The following NPRL2 variants were observed in gnomAD, a reference collection of about 807,000 sequenced individuals.
The protein encoded by NPRL2 is NPR2 like, GATOR1 complex subunit, also known as GATOR1 complex protein NPRL2.
NPRL2 carries 21 observed loss-of-function variants against 51.1 expected under a neutral mutation model. That is an observed-to-expected ratio of 0.41 (90% CI 0.29 to 0.59). The LOEUF (loss-of-function observed/expected upper bound fraction) is 0.59. Among genes scored for constraint, NPRL2 ranks in the 20% least tolerant of loss-of-function variants. The pLI is 0.29. For missense variants in NPRL2, 376 were observed against 483.4 expected, an observed-to-expected ratio of 0.78 and a Z score of 2.08; for synonymous variants, 175 against 187.8, an observed-to-expected ratio of 0.93 and a Z score of 0.56.
In NPRL2 at chr3:50,350,224, C is replaced by G; in HGVS notation, c.79-202G>C. On this transcript the variant is annotated intron_variant, in intron 1 of 10. Transcript: ENST00000232501. This position sits in a 1 kb window ranked among gnomAD's most constrained non-coding sequence, Gnocchi z 5.7. The stretch of plus-strand genomic sequence containing the variant: ...CTTCCTGGCTTCTGCATATGCTGTT[C>G]CCTCTACCTGGAACACTTTCTCCTG... 2.3e-5 allele frequency: 14 copies of G among 601,084 alleles called. No individual in the cohort carries two copies. The South Asian group carries it at 2.8e-4, about 12-fold the overall frequency. 37.2% of individuals were successfully genotyped at this position (601,084 alleles called of 1,614,324 possible).
rs1489334424 is a variant in NPRL2 at position 50,349,610 on chromosome 3, G to C, written c.339+55C>G. The C allele has an allele frequency of 2.5e-6, 4 of 1,604,262 alleles. No individual in the cohort carries two copies. In the East Asian group the frequency reaches 8.9e-5, roughly 36 times the overall value. ...GGTTTGGGGGACTTTGGAGACATGG[G>C]AACACCTTCCCCAACTCTGCCTGTC... On this transcript the variant is annotated intron_variant, in intron 3 of 10. Coordinates refer to ENST00000232501, the MANE Select transcript of NPRL2 (RefSeq NM_006545.5). This position sits in a 1 kb window ranked among gnomAD's most constrained non-coding sequence, Gnocchi z 4.6.
chr3:50,349,782 C>A lies in NPRL2; in HGVS notation c.222G>T (p.Lys74Asn). 6.2e-7 allele frequency: 1 copy of A among 1,613,946 alleles called. No individual in the cohort carries two copies. The highest frequency in any genetic ancestry group is 8.5e-7 in the Non-Finnish European group (1 of 1,179,992). Residue 74 changes from lysine to asparagine, a missense_variant, in exon 3 of 11, where the codon AAG becomes AAT. Coordinates refer to ENST00000232501, the MANE Select transcript of NPRL2 (RefSeq NM_006545.5). This position sits in a 1 kb window ranked among gnomAD's most constrained non-coding sequence, Gnocchi z 4.6. ...AGAGGAGAGCATTGCGGCTGTACTT[C>A]TTGTGTTCGATGCACACAGGACAGC... The part of the protein sequence containing the change: ...LIGCPVCIEH[K>N]KYSRNALLFN...
At position 50,348,935 on chromosome 3, in the gene NPRL2, G is replaced by A; in HGVS notation, c.524C>T (p.Pro175Leu). 2 of 1,614,040 alleles carry A rather than the reference G, an allele frequency of 1.2e-6. No individual in the cohort carries two copies. Among genetic ancestry groups the A allele is most frequent in the Non-Finnish European group, 1.7e-6 (2 of 1,180,004 alleles). The change falls in exon 5 of 11, where the codon CCT becomes CTT. Residue 175 changes from proline to leucine, a missense_variant. Coordinates refer to ENST00000232501, the MANE Select transcript of NPRL2 (RefSeq NM_006545.5). The surrounding 1 kb of genome is among the most constrained non-coding windows in gnomAD (Gnocchi z 5.8). ...ATCCTCCTTGTCTTTGGTAAAGACA[G>A]GTACATCATACTCCTGGGCCACCGG... ...DPPVAQEYDV[P>L]VFTKDKEDFF...
In NPRL2 at chr3:50,347,664, T is replaced by C; in HGVS notation, c.1085A>G (p.Tyr362Cys). 1.9e-6 allele frequency: 3 copies of C among 1,614,062 alleles called. No individual in the cohort carries two copies. Among genetic ancestry groups the C allele is most frequent in the Non-Finnish European group, 2.5e-6 (3 of 1,180,020 alleles). Reference sequence around the variant, plus strand: ...TTCAAGCCGCTCATCCAGCTCATGGTAGCTCATGCCTGGGTGGGGTGGTGG... The same window carrying C: ...TTCAAGCCGCTCATCCAGCTCATGGCAGCTCATGCCTGGGTGGGGTGGTGG... ...DEICCKTGMSYHELDERLEND... is the reference protein window; with the variant it reads ...DEICCKTGMSCHELDERLEND... Residue 362 changes from tyrosine (Y) to cysteine (C), a missense_variant, in exon 11 of 11, where the codon TAC becomes TGC. By Grantham distance (194) the Tyr-to-Cys change is radical (BLOSUM62 -2). Transcript: ENST00000232501.
chr3:50,349,470 C>T lies in NPRL2; in HGVS notation c.364G>A (p.Glu122Lys). 3 of 1,613,830 alleles carry T rather than the reference C, an allele frequency of 1.9e-6. No individual in the cohort carries two copies. Among genetic ancestry groups the T allele is most frequent in the Non-Finnish European group, 2.5e-6 (3 of 1,179,996 alleles). Residue 122 changes from glutamate (E) to lysine (K), a missense_variant, in exon 4 of 11, where the codon GAG becomes AAG. Coordinates refer to ENST00000232501, the MANE Select transcript of NPRL2 (RefSeq NM_006545.5). The surrounding 1 kb of genome is among the most constrained non-coding windows in gnomAD (Gnocchi z 4.6). The part of the protein sequence containing the change: ...LELESSFVSM[E>K]ESKQKLVPIM... The stretch of plus-strand genomic sequence containing the variant: ...GGCACCAACTTCTGCTTGCTCTCCT[C>T]CATGGACACGAAGCTGCTCTCTAGC...
chr3:50,348,452 T>C lies in NPRL2; in HGVS notation c.721-42A>G. 1 of 1,613,170 alleles carries C rather than the reference T, an allele frequency of 6.2e-7. No individual in the cohort carries two copies. Among genetic ancestry groups the C allele is most frequent in the Non-Finnish European group, 8.5e-7 (1 of 1,179,316 alleles). On this transcript the variant is annotated intron_variant, in intron 7 of 10. Transcript: ENST00000232501. This position sits in a 1 kb window ranked among gnomAD's most constrained non-coding sequence, Gnocchi z 5.8. ...GGCATAGGGGCCTGAGTGAGGGGCT[T>C]GGGAAGCTGACACAGCCCTGGTCTG...
chr3:50,347,477 A>T lies in NPRL2; in HGVS notation c.*129T>A. The T allele has an allele frequency of 8.5e-7, 1 of 1,181,924 alleles. No individual in the cohort carries two copies. Among genetic ancestry groups the T allele is most frequent in the Non-Finnish European group, 1.2e-6 (1 of 818,038 alleles). The allele number at this position is 1,181,924 out of a possible 1,614,324, so 73.2% of individuals were successfully genotyped here. Reference sequence around the variant, plus strand: ...CTCCCACGGCTGGCCCAGAAACAGCACTCAATAAAGGCTGTTTGAAATGGA... The same window carrying T: ...CTCCCACGGCTGGCCCAGAAACAGCTCTCAATAAAGGCTGTTTGAAATGGA... On this transcript the variant is annotated 3_prime_UTR_variant, in exon 11 of 11. Coordinates refer to ENST00000232501, the MANE Select transcript of NPRL2 (RefSeq NM_006545.5).
Position 50,348,277 on chromosome 3 carries a change from T to G in NPRL2, c.815-36A>C, listed in dbSNP as rs1427902235. On this transcript the variant is annotated intron_variant, in intron 8 of 10. Coordinates refer to ENST00000232501, the MANE Select transcript of NPRL2 (RefSeq NM_006545.5). The surrounding 1 kb of genome is among the most constrained non-coding windows in gnomAD (Gnocchi z 5.8). Reference sequence around the variant, plus strand: ...CAGGGATCAGCTCATCATGTGGCCCTGCCCTCCCCAAGATGGCTTCCCCCA... The same window carrying G: ...CAGGGATCAGCTCATCATGTGGCCCGGCCCTCCCCAAGATGGCTTCCCCCA... 7 of 1,613,668 alleles carry G rather than the reference T, an allele frequency of 4.3e-6. No homozygotes were observed. The highest frequency in any genetic ancestry group is 5.1e-6 in the Non-Finnish European group (6 of 1,179,746).
In NPRL2 at chr3:50,349,129, C is replaced by T; in HGVS notation, c.449-119G>A. The T allele has an allele frequency of 3.2e-6, 4 of 1,264,812 alleles. No individual in the cohort carries two copies. Among genetic ancestry groups the T allele is most frequent in the Non-Finnish European group, 4.4e-6 (4 of 917,812 alleles). 78.3% of individuals were successfully genotyped at this position (1,264,812 alleles called of 1,614,324 possible). On this transcript the variant is annotated intron_variant, in intron 4 of 10. Transcript: ENST00000232501. This position sits in a 1 kb window ranked among gnomAD's most constrained non-coding sequence, Gnocchi z 4.6. Reference sequence around the variant, plus strand: ...GTGCCTCTGGGTAGGGCTAATCTTTCTCTTTTTATGGAGTGAGAAACGGAG... The same window carrying T: ...GTGCCTCTGGGTAGGGCTAATCTTTTTCTTTTTATGGAGTGAGAAACGGAG...
chr3:50,349,987 G>A lies in NPRL2; in HGVS notation c.114C>T (p.Asp38=), dbSNP rs587610136. 1.2e-6 allele frequency: 2 copies of A among 1,613,950 alleles called. No homozygotes were observed. Among genetic ancestry groups the A allele is most frequent in the South Asian group, 2.2e-5 (2 of 91,076 alleles). The part of the protein sequence containing the change: ...PEDFISRELF[D]TVQVYIITKP... The stretch of plus-strand genomic sequence containing the variant: ...TGGTGATGATGTACACTTGGACTGT[G>A]TCAAACAGCTCTCGGGAGATGAAGT... The change falls in exon 2 of 11, where the codon GAC becomes GAT. Residue 38 remains aspartate, a synonymous_variant. Transcript: ENST00000232501. The surrounding 1 kb of genome is among the most constrained non-coding windows in gnomAD (Gnocchi z 4.6).
Position 50,349,272 on chromosome 3 carries a change from G to A in NPRL2, c.448+114C>T. On this transcript the variant is annotated intron_variant, in intron 4 of 10. Transcript: ENST00000232501. This position sits in a 1 kb window ranked among gnomAD's most constrained non-coding sequence, Gnocchi z 4.6. Reference sequence around the variant, plus strand: ...CTGGACATGGGCACCTCAGCCCATGGCTATTTCCTGCCCACCAATGTGTTC... The same window carrying A: ...CTGGACATGGGCACCTCAGCCCATGACTATTTCCTGCCCACCAATGTGTTC... 1 of 998,942 alleles carries A rather than the reference G, an allele frequency of 1.0e-6. No homozygotes were observed. Among genetic ancestry groups the A allele is most frequent in the South Asian group, 1.4e-5 (1 of 70,224 alleles). 61.9% of individuals were successfully genotyped at this position (998,942 alleles called of 1,614,324 possible).
At position 50,349,656 on chromosome 3, in the gene NPRL2, A is replaced by G. The variant is rs372216543; in HGVS notation, c.339+9T>C. ...CTGTCGGTAAACCCAAGCCCATCTC[A>G]TTGCAGACCTCTAGTGTGGTCAGAT... On this transcript the variant is annotated intron_variant, in intron 3 of 10. Transcript: ENST00000232501. This position sits in a 1 kb window ranked among gnomAD's most constrained non-coding sequence, Gnocchi z 4.6. 3.1e-6 allele frequency: 5 copies of G among 1,605,648 alleles called. No homozygotes were observed. Among genetic ancestry groups the G allele is most frequent in the Non-Finnish European group, 3.4e-6 (4 of 1,173,690 alleles).
Position 50,348,873 on chromosome 3 carries a change from C to G in NPRL2, c.585+1G>C. ...ATGATACCCAGGGAGGGATGGCATA[C>G]TTGTTGTGTAGTGAGGTCCCACTGT... On this transcript the variant is annotated splice_donor_variant, in intron 5 of 10. Transcript: ENST00000232501. LOFTEE classifies it high-confidence loss of function. This position sits in a 1 kb window ranked among gnomAD's most constrained non-coding sequence, Gnocchi z 5.8. The G allele has an allele frequency of 6.2e-7, 1 of 1,613,972 alleles. No individual in the cohort carries two copies. The highest frequency in any genetic ancestry group is 8.5e-7 in the Non-Finnish European group (1 of 1,179,988).
chr3:50,349,215 C>A lies in NPRL2; in HGVS notation c.448+171G>T. 1 of 829,446 alleles carries A rather than the reference C, an allele frequency of 1.2e-6. No individual in the cohort carries two copies. The highest frequency in any genetic ancestry group is 1.9e-6 in the Non-Finnish European group (1 of 529,920). The allele number at this position is 829,446 out of a possible 1,614,324, so 51.4% of individuals were successfully genotyped here. ...GCTGGAGAGCTCTGCTTTCCCCCTACCCCCAGTCCCAGCTCCATCATGCAT... is the reference window on the plus strand; with the variant it reads ...GCTGGAGAGCTCTGCTTTCCCCCTAACCCCAGTCCCAGCTCCATCATGCAT... On this transcript the variant is annotated intron_variant, in intron 4 of 10. Coordinates refer to ENST00000232501, the MANE Select transcript of NPRL2 (RefSeq NM_006545.5). This position sits in a 1 kb window ranked among gnomAD's most constrained non-coding sequence, Gnocchi z 4.6.
chr3:50,350,495 GA>G lies in NPRL2; in HGVS notation c.78+79del. Reference sequence around the variant, plus strand: ...AGCAGCATGCCTGCGTGCAGCACGGGAAACTACTGCCTTCAGGCAGCCAGTT... The same window carrying G: ...AGCAGCATGCCTGCGTGCAGCACGGGAACTACTGCCTTCAGGCAGCCAGTT... On this transcript the variant is annotated intron_variant, in intron 1 of 10. Transcript: ENST00000232501. This position sits in a 1 kb window ranked among gnomAD's most constrained non-coding sequence, Gnocchi z 5.7. 1 of 1,404,150 alleles carries G rather than the reference GA, an allele frequency of 7.1e-7. No individual in the cohort carries two copies. The highest frequency in any genetic ancestry group is 9.8e-7 in the Non-Finnish European group (1 of 1,019,552). The allele number at this position is 1,404,150 out of a possible 1,614,324, so 87.0% of individuals were successfully genotyped here.
At position 50,349,057 on chromosome 3, in the gene NPRL2, G is replaced by T. The variant is rs1416438349; in HGVS notation, c.449-47C>A. ...TCCTCAGTGCCACTTCTTCCAAGAGGTCCTCAATTACCATCCAGGCCTCCC... is the reference window on the plus strand; with the variant it reads ...TCCTCAGTGCCACTTCTTCCAAGAGTTCCTCAATTACCATCCAGGCCTCCC... On this transcript the variant is annotated intron_variant, in intron 4 of 10. Coordinates refer to ENST00000232501, the MANE Select transcript of NPRL2 (RefSeq NM_006545.5). The surrounding 1 kb of genome is among the most constrained non-coding windows in gnomAD (Gnocchi z 4.6). 4 of 1,594,984 alleles carry T rather than the reference G, an allele frequency of 2.5e-6. No individual in the cohort carries two copies. The highest frequency in any genetic ancestry group is 1.7e-6 in the Non-Finnish European group (2 of 1,169,808).
chr3:50,348,450 C>A lies in NPRL2; in HGVS notation c.721-40G>T, dbSNP rs1323769162. The stretch of plus-strand genomic sequence containing the variant: ...AAGGCATAGGGGCCTGAGTGAGGGG[C>A]TTGGGAAGCTGACACAGCCCTGGTC... On this transcript the variant is annotated intron_variant, in intron 7 of 10. Transcript: ENST00000232501. The surrounding 1 kb of genome is among the most constrained non-coding windows in gnomAD (Gnocchi z 5.8). 1.9e-6 allele frequency: 3 copies of A among 1,613,390 alleles called. No individual in the cohort carries two copies. The South Asian group carries it at 3.3e-5, about 18-fold the overall frequency.
chr3:50,347,774 T>A lies in NPRL2; in HGVS notation c.1060A>T (p.Ile354Phe), dbSNP rs759629635. The A allele has an allele frequency of 1.4e-5, 23 of 1,613,826 alleles. No homozygotes were observed. The highest frequency in any genetic ancestry group is 1.9e-5 in the Non-Finnish European group (23 of 1,180,040). The change falls in exon 10 of 11, where the codon ATC (isoleucine) becomes TTC (phenylalanine). Residue 354 changes from isoleucine to phenylalanine, a missense_variant. Transcript: ENST00000232501. ...CTGCCTCCACCTGTCTTGCAGCAGA[T>A]CTCGTCATAGCTGTGGCAGCCTGTA... ...LYTGCHSYDE[I>F]CCKTGMSYHE...
In NPRL2 at chr3:50,350,507, T is replaced by G; in HGVS notation, c.78+68A>C. On this transcript the variant is annotated intron_variant, in intron 1 of 10. Transcript: ENST00000232501. This position sits in a 1 kb window ranked among gnomAD's most constrained non-coding sequence, Gnocchi z 5.7. The stretch of plus-strand genomic sequence containing the variant: ...GCGTGCAGCACGGGAAACTACTGCC[T>G]TCAGGCAGCCAGTTGAGCTCTCGAG... 1.3e-6 allele frequency: 2 copies of G among 1,489,234 alleles called. No individual in the cohort carries two copies. Among genetic ancestry groups the G allele is most frequent in the Non-Finnish European group, 1.8e-6 (2 of 1,092,200 alleles). 92.3% of individuals were successfully genotyped at this position (1,489,234 alleles called of 1,614,324 possible). A position where few individuals can be genotyped will look rare whatever the true frequency, so the allele number is the denominator to read the frequency against.
Sources: allele counts gnomAD v4.1 joint callset, GRCh38; gene constraint gnomAD v4.1.1; non-coding constraint Gnocchi (gnomAD v3.1); transcripts MANE v1.5; gene names NCBI Gene and HGNC (gene_info 2026-07-23, HGNC 2026-07-21).